Variants in COPB1 observed in about 807,000 individuals in gnomAD.
COPB1 encodes coatomer subunit beta.
COPB1 carries 21 observed loss-of-function variants against 108.7 expected under a neutral mutation model. The observed-to-expected ratio is 0.19, with a 90% CI of 0.14 to 0.28. The LOEUF (loss-of-function observed/expected upper bound fraction) is 0.28. Among genes scored for constraint, COPB1 ranks in the 10% least tolerant of loss-of-function variants. The probability of loss-of-function intolerance (pLI) is 1.00; values close to 1 mark genes in which losing one functional copy is unlikely to be tolerated. For synonymous variants in COPB1, 378 were observed against 386.8 expected (o/e 0.98, Z 0.27); for missense variants, 919 against 1,141.3 (o/e 0.81, Z 2.81).
intron 18 of COPB1, among the ~76,000 whole-genome samples, chr11:14,461,958 A>ACAG (rs1433172297): frequency 6.6e-6 from 1 of 152,204 alleles, no homozygotes; most frequent in Middle Eastern, 3.2e-3. Context: ...TAGCTTACTT[A>ACAG]CAGTACCTAA....
intron 2 of COPB1, among the ~76,000 whole-genome samples, chr11:14,497,057 TA>T (rs1851037280): frequency 6.6e-6 from 1 of 152,188 alleles, no homozygotes; most frequent in Admixed American, 6.5e-5. Flanking sequence ...ATTAAAGGCT[TA>T]AATCTAAGAC....
At chr11:14,492,234 T>C (rs564591432) in intron 4 of COPB1, among the ~76,000 whole-genome samples, 6 of 152,170 alleles carry the variant, frequency 3.9e-5, no homozygotes, top group Non-Finnish European at 8.8e-5. Context: ...CCAATTGTCC[T>C]ATAAATGGCC....
At chr11:14,490,746 G>T in intron 4 of COPB1, 67 bp from the exon 5 acceptor site, 1 of 800,128 alleles carries the variant, frequency 1.2e-6, no homozygotes, top group Non-Finnish European at 2.0e-6. Context: ...TAACTCTCTG[G>T]ACAATACCAA....
At chr11:14,486,641 A>C in intron 6 of COPB1, 137 bp from the exon 7 acceptor site, 1 of 1,041,988 alleles carries the variant, frequency 9.6e-7, no homozygotes, top group South Asian at 1.6e-5. Flanking sequence ...AGGACATGAA[A>C]ATATCAGACA....
At chr11:14,478,684 T>C (rs1306911350) in intron 11 of COPB1, among the ~76,000 whole-genome samples, 1 of 151,654 alleles carries the variant, frequency 6.6e-6, no homozygotes, top group East Asian at 1.9e-4. Flanking sequence ...ACTCCTGACA[T>C]CCAGCAATTC....
chr11:14,470,944 A>ACACACACACACACTCTCTCTCT (rs1285522756), intron 14 of COPB1, among the ~76,000 whole-genome samples: 2 of 90,150 alleles, frequency 2.2e-5, no homozygotes, highest in African/African-American at 1.0e-4. Flanking sequence ...ACACACACAC[A>ACACACACACACACTCTCTCTCT]CTCTCTCTCT....
chr11:14,479,587 T>G lies in COPB1; in HGVS notation c.1340A>C (p.His447Pro). 1 of 1,609,130 alleles carries G rather than the reference T, an allele frequency of 6.2e-7. No homozygotes were observed. The highest frequency in any genetic ancestry group is 8.5e-7 in the Non-Finnish European group (1 of 1,178,482). ...AACCTACTTGACAGATTTAATAGCATGAAAGACTTCAAGCATCTTCTCAAC... is the reference window on the plus strand; with the variant it reads ...AACCTACTTGACAGATTTAATAGCAGGAAAGACTTCAAGCATCTTCTCAAC... Reference protein sequence around the residue: ...LIVEKMLEVFHAIKSVKIYRG... With the variant: ...LIVEKMLEVFPAIKSVKIYRG... Residue 447 changes from histidine (H) to proline (P), a missense_variant, in exon 11 of 22, where the codon CAT (histidine) becomes CCT (proline). By Grantham distance (77) the His-to-Pro change is moderately conservative. This residue lies in a region of COPB1 where 705 missense variants were observed against 817.8 expected (regional missense o/e 0.86). Coordinates refer to ENST00000439561, the MANE Select transcript of COPB1 (RefSeq NM_001144061.2).
intron 13 of COPB1, among the ~76,000 whole-genome samples, chr11:14,474,896 G>A (rs1850485687): frequency 6.6e-6 from 1 of 151,958 alleles, no homozygotes; most frequent in Non-Finnish European, 1.5e-5. Context: ...AGGAGTTCGA[G>A]GACAGCCTGG....
intron 11 of COPB1, chr11:14,478,957 C>CAAAAAAAAA (rs35295507): frequency 1.0e-4 from 7 of 68,394 alleles, no homozygotes; most frequent in East Asian, 5.2e-4. Flanking sequence ...AGCCCTCTCA[C>CAAAAAAAAA]AAAAAAAAAA....
At chr11:14,498,128 G>A (rs974174419) in intron 2 of COPB1, among the ~76,000 whole-genome samples, 1 of 152,166 alleles carries the variant, frequency 6.6e-6, no homozygotes. Context: ...GGTAACTACA[G>A]TCAATAATAA....
intron 2 of COPB1, among the ~76,000 whole-genome samples, chr11:14,497,087 T>C (rs992089312): frequency 3.3e-5 from 5 of 152,162 alleles, no homozygotes; most frequent in African/African-American, 9.7e-5. Context: ...ATGAAACTAC[T>C]ACAAGAAAAT....
chr11:14,481,167 G>C, intron 8 of COPB1, 70 bp from the exon 9 acceptor site: 1 of 1,104,738 alleles, frequency 9.1e-7, no homozygotes, highest in South Asian at 1.3e-5. Flanking sequence ...CTTCACTGCA[G>C]AATGGTGGGG....
chr11:14,461,449 CTTA>C (rs1850147611), intron 18 of COPB1, 118 bp from the exon 19 acceptor site: 14 of 1,013,228 alleles, frequency 1.4e-5, no homozygotes, highest in Middle Eastern at 2.7e-4. Flanking sequence ...TTATATAATA[CTTA>C]TTATGTACAG....
At chr11:14,473,691 A>G (rs1281236806) in intron 14 of COPB1, among the ~76,000 whole-genome samples, 1 of 152,226 alleles carries the variant, frequency 6.6e-6, no homozygotes, top group Non-Finnish European at 1.5e-5. Context: ...ACAGATCACC[A>G]TAACAGATGT....
intron 19 of COPB1, 92 bp from the exon 20 acceptor site, chr11:14,460,389 A>G (rs1390376650): frequency 1.3e-6 from 1 of 758,368 alleles, no homozygotes; most frequent in African/African-American, 1.8e-5. Context: ...ACTTGTTCCA[A>G]CTGTTTAGGT....
intron 8 of COPB1, among the ~76,000 whole-genome samples, chr11:14,482,034 C>T (rs533192342): frequency 1.3e-5 from 2 of 152,190 alleles, no homozygotes; most frequent in Non-Finnish European, 2.9e-5. Context: ...TCAGGTGATC[C>T]ACCTGCCTCA....
intron 2 of COPB1, among the ~76,000 whole-genome samples, chr11:14,497,681 G>C (rs939506147): frequency 6.6e-6 from 1 of 152,124 alleles, no homozygotes; most frequent in African/African-American, 2.4e-5. Context: ...TCAGCAATCC[G>C]ACTACTGGGT....
chr11:14,484,218 G>C (rs1850719809), intron 7 of COPB1, among the ~76,000 whole-genome samples: 1 of 152,172 alleles, frequency 6.6e-6, no homozygotes, highest in Admixed American at 6.5e-5. Context: ...CAGATTGGAG[G>C]AGACTACGAT....
rs780406595 is a variant in COPB1, at chr11:14,498,957, T to C, written c.-29A>G. The C allele has an allele frequency of 3.9e-6, 6 of 1,552,626 alleles. No homozygotes were observed. In the South Asian group the frequency reaches 4.8e-5, roughly 12 times the overall value. ...TTCTGGTTATATTATAACCAATCCT[T>C]GACACAAGATTTAAGGATGCCAGAA... On this transcript the variant is annotated 5_prime_UTR_variant, in exon 2 of 22. Coordinates refer to ENST00000439561, the MANE Select transcript of COPB1 (RefSeq NM_001144061.2).
Sources: allele counts gnomAD v4.1 joint callset (sites outside exome capture counted in the v4.1 genomes callset), GRCh38; gene constraint gnomAD v4.1.1; regional missense constraint gnomAD v4.1.1; transcripts MANE v1.5; gene names NCBI Gene and HGNC (gene_info 2026-07-23, HGNC 2026-07-21).